SCOC: variants seen among roughly 807,000 people sequenced by gnomAD.
The protein encoded by SCOC is short coiled-coil protein.
In SCOC, 7 loss-of-function variants were observed where a neutral mutation model predicts 9.9. The ratio of observed to expected loss-of-function variants is 0.71; its 90% confidence interval spans 0.40 to 1.33. SCOC has a LOEUF of 1.33. SCOC is among the 40% of genes most tolerant of loss of function. SCOC has a pLI of 0.01. For synonymous variants in SCOC, 19 were observed against 28.2 expected (o/e 0.67, Z 1.03); for missense variants, 66 against 89.7 (o/e 0.74, Z 1.07).
chr4:140,263,287 C>T lies in SCOC; in HGVS notation c.-19+5877C>T, dbSNP rs540005826. On this transcript the variant is annotated intron_variant, in intron 1 of 4. Coordinates refer to the SCOC transcript ENST00000394205. Reference sequence around the variant, plus strand: ...TCCTGTGAGAAGCATGAGACCTTGTCTTCCACAGAGCAATTTAGGACCATC... The same window carrying T: ...TCCTGTGAGAAGCATGAGACCTTGTTTTCCACAGAGCAATTTAGGACCATC... 2.0e-5 allele frequency among the ~76,000 whole-genome samples: 3 copies of T among 152,302 alleles called. No individual in the cohort carries two copies. In the South Asian group the frequency reaches 6.2e-4, roughly 32 times the overall value.
At chr4:140,336,803 A>C (rs1037488419) in intron 1 of SCOC, among the ~76,000 whole-genome samples, 1 of 152,198 alleles carries the variant, frequency 6.6e-6, no homozygotes, top group African/African-American at 2.4e-5. Context: ...GGAACTGCCA[A>C]ATTATTTTCC....
intron 1 of SCOC, among the ~76,000 whole-genome samples, chr4:140,292,242 G>A (rs1232796564): frequency 6.7e-6 from 1 of 149,880 alleles, no homozygotes. Flanking sequence ...AGGCTGGAGT[G>A]CAGTAGCATG....
At chr4:140,340,464 T>TA (rs370205133), upstream of SCOC, among the ~76,000 whole-genome samples, 130 of 145,952 alleles carry the variant, frequency 8.9e-4, no homozygotes, top group South Asian at 6.1e-3. Flanking sequence ...TAAAGTATAA[T>TA]AAAAAAAAAA....
At chr4:140,379,090 T>TATA (rs1186190436) in intron 1 of SCOC, 31 bp from the exon 2 acceptor site, 2 of 1,295,932 alleles carry the variant, frequency 1.5e-6, no homozygotes, top group African/African-American at 2.9e-5. Context: ...TTGCTGTATG[T>TATA]GTCTATATTT....
At chr4:140,337,557 C>T (rs1228112460) in intron 1 of SCOC, among the ~76,000 whole-genome samples, 1 of 151,882 alleles carries the variant, frequency 6.6e-6, no homozygotes, top group Non-Finnish European at 1.5e-5. Flanking sequence ...AACAAGAATA[C>T]TAAGATAATT....
chr4:140,368,884 G>C (rs1202560987), upstream of SCOC, among the ~76,000 whole-genome samples: 2 of 152,082 alleles, frequency 1.3e-5, no homozygotes, highest in African/African-American at 4.8e-5. Context: ...GCATGACTCA[G>C]CTTTCAGCTT....
intron 2 of SCOC, among the ~76,000 whole-genome samples, chr4:140,362,292 T>TC (rs1404453886): frequency 4.8e-5 from 1 of 20,974 alleles, no homozygotes; most frequent in African/African-American, 3.0e-4. Flanking sequence ...TTCTTCTTCT[T>TC]CTTCTTCTTT....
rs1728615957 is a variant in SCOC at position 140,382,882 on chromosome 4, C to G, written c.*1778C>G. The G allele has an allele frequency of 6.6e-6, 1 of 152,190 alleles. No individual in the cohort carries two copies. The highest frequency in any genetic ancestry group is 2.1e-4 in the South Asian group (1 of 4,836). The allele number at this position is 152,190 out of a possible 1,614,324, so 9.4% of individuals were successfully genotyped here. A position where few individuals can be genotyped will look rare whatever the true frequency, so the allele number is the denominator to read the frequency against. Reference sequence around the variant, plus strand: ...GAATATAAATATAGAAGTTTCTCTCCCAACCAGTGGTTCCAAGGTCAGCAT... The same window carrying G: ...GAATATAAATATAGAAGTTTCTCTCGCAACCAGTGGTTCCAAGGTCAGCAT... On this transcript the variant is annotated 3_prime_UTR_variant, in exon 4 of 4. Transcript: ENST00000608372.
At chr4:140,375,347 C>T (rs1217856036) in intron 1 of SCOC, among the ~76,000 whole-genome samples, 2 of 152,224 alleles carry the variant, frequency 1.3e-5, no homozygotes, top group African/African-American at 2.4e-5. Flanking sequence ...TATCTATCCA[C>T]TCATTCTCAC....
At chr4:140,349,053 G>A (rs1389175842) in intron 2 of SCOC, among the ~76,000 whole-genome samples, 2 of 152,034 alleles carry the variant, frequency 1.3e-5, no homozygotes, top group Admixed American at 1.3e-4. Flanking sequence ...TTTTAAATTG[G>A]GATATTTGTT....
rs560623071 is a variant in SCOC, at chr4:140,272,615, G to T, written c.-19+15205G>T. Among the ~76,000 whole-genome samples the T allele has an allele frequency of 2.6e-5, 4 of 152,174 alleles. No homozygotes were observed. In the East Asian group the frequency reaches 7.7e-4, roughly 29 times the overall value. ...TTTTGTTCACTGGTATATCCACAGC[G>T]CCTGGCCATATTAGGCACTTAGTAG... On this transcript the variant is annotated intron_variant, in intron 1 of 4. Transcript: ENST00000394205.
chr4:140,285,115 G>A, intron 1 of SCOC: 1 of 452,056 alleles, frequency 2.2e-6, no homozygotes, highest in South Asian at 1.6e-5. Flanking sequence ...AGAGAATCGA[G>A]GCAAACTCAT....
At chr4:140,298,912 G>C (rs2089897) in intron 1 of SCOC, among the ~76,000 whole-genome samples, 59,891 of 151,990 alleles carry the variant, frequency 0.39, 14,659 homozygotes, top group African/African-American at 0.69. Flanking sequence ...TCCTCCTGGG[G>C]CCAAGCGATC....
rs562419646 is a variant in SCOC at position 140,373,756 on chromosome 4, G to A, written c.-51+39G>A. The A allele has an allele frequency of 7.2e-6, 11 of 1,528,282 alleles. No individual in the cohort carries two copies. The South Asian group carries it at 1.1e-4, about 15-fold the overall frequency. The allele number at this position is 1,528,282 out of a possible 1,614,324, so 94.7% of individuals were successfully genotyped here. On this transcript the variant is annotated intron_variant, in intron 1 of 3. Transcript: ENST00000608372. ...CGGGCAGCGGAGGGCCTGGCCCCAG[G>A]CGACTAGAGCTGCATCCTCAGTACC... is the stretch of plus-strand genomic sequence containing the variant.
intron 1 of SCOC, among the ~76,000 whole-genome samples, chr4:140,261,929 AT>A (rs1730641538): frequency 6.6e-6 from 1 of 152,186 alleles, no homozygotes; most frequent in Non-Finnish European, 1.5e-5. Flanking sequence ...ACTGGATTCT[AT>A]TGTCAAAAGA....
chr4:140,359,120 TGCTC>T (rs1018814413), intron 2 of SCOC, among the ~76,000 whole-genome samples: 4 of 99,850 alleles, frequency 4.0e-5, no homozygotes, highest in African/African-American at 1.1e-4. Flanking sequence ...CGTTTCATTT[TGCTC>T]ACTATTTTGT....
intron 1 of SCOC, among the ~76,000 whole-genome samples, chr4:140,376,012 G>C (rs1728328911): frequency 6.6e-6 from 1 of 152,170 alleles, no homozygotes; most frequent in Non-Finnish European, 1.5e-5. Flanking sequence ...GGAGTTGAAA[G>C]TGAACTCTTA....
chr4:140,331,795 G>A (rs1472650833), intron 1 of SCOC, among the ~76,000 whole-genome samples: 1 of 152,100 alleles, frequency 6.6e-6, no homozygotes, highest in Non-Finnish European at 1.5e-5. Context: ...CCTGCTCACT[G>A]AACATTTCCA....
At chr4:140,320,414 CT>C (rs762923837) in intron 1 of SCOC, among the ~76,000 whole-genome samples, 1 of 152,160 alleles carries the variant, frequency 6.6e-6, no homozygotes, top group Non-Finnish European at 1.5e-5. Context: ...TATGCCTCTA[CT>C]TTCTTAATAA....
Sources: allele counts gnomAD v4.1 joint callset (sites outside exome capture counted in the v4.1 genomes callset), GRCh38; gene constraint gnomAD v4.1.1; transcripts MANE v1.5; gene names NCBI Gene and HGNC (gene_info 2026-07-23, HGNC 2026-07-21).